Variants in LONP1 observed in about 807,000 individuals in gnomAD.
LONP1 encodes the protein lon protease homolog, mitochondrial.
In LONP1, 31 loss-of-function variants were observed where a neutral mutation model predicts 98.5. That is an observed-to-expected ratio of 0.31 (90% CI 0.24 to 0.42). The LOEUF (loss-of-function observed/expected upper bound fraction) is 0.42. Ranked by LOEUF, LONP1 falls within the 20% of genes least tolerant of loss-of-function variation. The pLI, the probability that LONP1 is intolerant of heterozygous loss-of-function variation, is 1.00. For synonymous variants in LONP1, 781 were observed against 594.7 expected (o/e 1.31, Z -4.56); for missense variants, 1,336 against 1,350.6 (o/e 0.99, Z 0.17).
chr19:5,701,167 C>A (rs904072306), intron 8 of LONP1, among the ~76,000 whole-genome samples: 8 of 152,074 alleles, frequency 5.3e-5, no homozygotes, highest in Admixed American at 1.3e-4. Flanking sequence ...ATTTACAGGC[C>A]AGGCACAGTG....
Position 5,694,784 on chromosome 19 carries a change from T to C in LONP1, c.2131A>G (p.Asn711Asp). The change falls in exon 14 of 18, where the codon AAC (asparagine) becomes GAC (aspartate). Residue 711 changes from asparagine to aspartate, a missense_variant. Transcript: ENST00000360614. ...ACCTTCTCCACTTGCTTCTGCAGGT[T>C]GCGGACACCGCTCTCGCGGCAGTAC... ...KQYCRESGVR[N>D]LQKQVEKVLR... 1 of 1,593,214 alleles carries C rather than the reference T, an allele frequency of 6.3e-7. No homozygotes were observed. The highest frequency in any genetic ancestry group is 8.6e-7 in the Non-Finnish European group (1 of 1,163,538).
At chr19:5,715,818 C>T (rs1225707887) in intron 1 of LONP1, among the ~76,000 whole-genome samples, 1 of 151,924 alleles carries the variant, frequency 6.6e-6, no homozygotes, top group Non-Finnish European at 1.5e-5. Flanking sequence ...CCACTGCACT[C>T]GCTAATTTTT....
intron 10 of LONP1, 108 bp from the exon 11 acceptor site, chr19:5,696,865 G>C (rs1325982373): frequency 1.4e-6 from 1 of 703,726 alleles, no homozygotes; most frequent in African/African-American, 1.8e-5. Context: ...AGCCCCACAA[G>C]ATGTGGCCAT....
In LONP1 at chr19:5,696,162, G is replaced by T; in HGVS notation, c.1905C>A (p.Phe635Leu). 1 of 1,612,910 alleles carries T rather than the reference G, an allele frequency of 6.2e-7. No individual in the cohort carries two copies. Among genetic ancestry groups the T allele is most frequent in the Non-Finnish European group, 8.5e-7 (1 of 1,179,864 alleles). Reference sequence around the variant, plus strand: ...TGTCCGTGACGTTGGCCGTGCAGATGAACAGCACCTGGGGGCGGCGGCAAG... The same window carrying T: ...TGTCCGTGACGTTGGCCGTGCAGATTAACAGCACCTGGGGGCGGCGGCAAG... Reference protein sequence around the residue: ...DVPVDLSKVLFICTANVTDTI... With the variant: ...DVPVDLSKVLLICTANVTDTI... The change falls in exon 13 of 18, where the codon TTC becomes TTA. Residue 635 changes from phenylalanine to leucine, a missense_variant. By Grantham distance (22) the Phe-to-Leu change is conservative. Around this residue, in one of 5 missense-constraint regions of LONP1, gnomAD observed 555 missense variants for 542.6 expected, o/e 1.02. Coordinates refer to ENST00000360614, the MANE Select transcript of LONP1 (RefSeq NM_004793.4).
At chr19:5,704,030 G>C (rs899635818) in intron 8 of LONP1, among the ~76,000 whole-genome samples, 1 of 152,182 alleles carries the variant, frequency 6.6e-6, no homozygotes, top group African/African-American at 2.4e-5. Flanking sequence ...ATGGCAGCAG[G>C]GAACTGCAGA....
intron 10 of LONP1, among the ~76,000 whole-genome samples, chr19:5,698,053 T>G (rs1448353760): frequency 7.5e-6 from 1 of 133,410 alleles, no homozygotes; most frequent in Non-Finnish European, 1.6e-5. Flanking sequence ...GCAGAACAGG[T>G]CCCCTGTCCT....
In LONP1 at chr19:5,705,686, C is replaced by T. The variant is rs371751411; in HGVS notation, c.1367+86G>A. ...GCCACACCAAGAAGGTGCCACGGGG[C>T]TCCCCGCTGGGTCCCCTGGCCTGCC... On this transcript the variant is annotated intron_variant, in intron 8 of 17. Transcript: ENST00000360614. 147 of 1,227,264 alleles carry T rather than the reference C, an allele frequency of 1.2e-4. 1 individual carries two copies. In the East Asian group the frequency reaches 1.9e-3, roughly 16 times the overall value. The allele number at this position is 1,227,264 out of a possible 1,614,324, so 76.0% of individuals were successfully genotyped here. A position where few individuals can be genotyped will look rare whatever the true frequency, so the allele number is the denominator to read the frequency against.
intron 3 of LONP1, chr19:5,712,533 G>A: frequency 5.7e-6 from 1 of 175,726 alleles, no homozygotes; most frequent in South Asian, 1.3e-4. Context: ...GTCTCGCTCT[G>A]TTGCCCAGGC....
intron 8 of LONP1, among the ~76,000 whole-genome samples, chr19:5,702,068 A>AGAGAGGTG (rs2055057872): frequency 6.8e-6 from 1 of 146,010 alleles, no homozygotes. Flanking sequence ...CCCGTCCGGG[A>AGAGAGGTG]GGGAGGTGGG....
intron 17 of LONP1, among the ~76,000 whole-genome samples, chr19:5,692,579 G>A (rs904010915): frequency 1.3e-5 from 2 of 152,100 alleles, no homozygotes; most frequent in Non-Finnish European, 2.9e-5. Flanking sequence ...CTGCATCTCT[G>A]CCCCCAGGCC....
intron 10 of LONP1, among the ~76,000 whole-genome samples, chr19:5,697,037 GGC>G (rs1345633518): frequency 6.6e-6 from 1 of 152,204 alleles, no homozygotes; most frequent in Non-Finnish European, 1.5e-5. Flanking sequence ...AAGCCAGACA[GGC>G]GCTGGCAGCA....
chr19:5,698,548 G>T (rs1284384528), intron 10 of LONP1, among the ~76,000 whole-genome samples: 2 of 152,230 alleles, frequency 1.3e-5, no homozygotes, highest in Non-Finnish European at 2.9e-5. Flanking sequence ...TGAGCCCACA[G>T]AGGCGCCAAG....
Position 5,714,170 on chromosome 19 carries a change from A to G in LONP1, c.518+13T>C. The G allele has an allele frequency of 6.2e-7, 1 of 1,608,938 alleles. No homozygotes were observed. Among genetic ancestry groups the G allele is most frequent in the South Asian group, 1.1e-5 (1 of 90,682 alleles). ...CACCGTCAACAAGGGAATGAAGGAA[A>G]AATCACACTTACCTGTCATCTCTCT... On this transcript the variant is annotated intron_variant, in intron 2 of 17. Transcript: ENST00000360614.
chr19:5,692,208 C>T lies in LONP1; in HGVS notation c.2704G>A (p.Ala902Thr), dbSNP rs1294135188. ...ATGCACGTCACCCCTGCGCGCTTGG[C>T]CTGGGGGCAGAGTCAGGGTCAGCCC... ...VGGIKEKTIA[A>T]KRAGVTCIVL... The change falls in exon 18 of 18, where the codon GCC becomes ACC. Residue 902 changes from alanine to threonine, a missense_variant and splice_region_variant. By Grantham distance (58) the Ala-to-Thr change is moderately conservative. Coordinates refer to ENST00000360614, the MANE Select transcript of LONP1 (RefSeq NM_004793.4). The T allele has an allele frequency of 2.5e-6, 4 of 1,609,312 alleles. No individual in the cohort carries two copies. Among genetic ancestry groups the T allele is most frequent in the Admixed American group, 1.7e-5 (1 of 59,730 alleles).
In LONP1 at chr19:5,719,968, C is replaced by A; in HGVS notation, c.165G>T (p.Trp55Cys). The A allele has an allele frequency of 6.3e-7, 1 of 1,579,310 alleles. No homozygotes were observed. The highest frequency in any genetic ancestry group is 8.6e-7 in the Non-Finnish European group (1 of 1,164,608). ...TCDASPPWAL[W>C]GRGPAIGGQW... is the part of the protein sequence containing the mutation. Reference sequence around the variant, plus strand: ...GGCCCCCAATTGCCGGGCCTCGGCCCCACAGTGCCCAAGGAGGAGAGGCGT... The same window carrying A: ...GGCCCCCAATTGCCGGGCCTCGGCCACACAGTGCCCAAGGAGGAGAGGCGT... The change falls in exon 1 of 18, where the codon TGG becomes TGT. Residue 55 changes from tryptophan to cysteine, a missense_variant. This residue lies in a region of LONP1 where 457 missense variants were observed against 403.1 expected (regional missense o/e 1.13). Coordinates refer to ENST00000360614, the MANE Select transcript of LONP1 (RefSeq NM_004793.4).
chr19:5,711,728 G>C (rs751240567), intron 4 of LONP1, 43 bp downstream of exon 4: 14 of 1,529,886 alleles, frequency 9.2e-6, no homozygotes, highest in Non-Finnish European at 1.3e-5. Context: ...GGGAGCCCGT[G>C]GGGGAGGCAG....
chr19:5,701,012 G>C (rs1185333434), intron 8 of LONP1, 85 bp from the exon 9 acceptor site: 1 of 1,502,510 alleles, frequency 6.7e-7, no homozygotes, highest in Non-Finnish European at 9.2e-7. Flanking sequence ...GGTTGCAAGG[G>C]GCTTGAAACC....
chr19:5,708,563 G>A, intron 4 of LONP1, 160 bp from the exon 5 acceptor site: 1 of 628,510 alleles, frequency 1.6e-6, no homozygotes. Context: ...ATGGAGGAGT[G>A]CAGTCCCTGG....
chr19:5,706,334 C>T (rs949459345), intron 7 of LONP1, among the ~76,000 whole-genome samples: 4 of 152,134 alleles, frequency 2.6e-5, no homozygotes, highest in South Asian at 4.1e-4. Context: ...TGGGGCCAGG[C>T]GCGGTGGCTC....
Sources: gnomAD v4.1 joint callset for allele counts (sites outside exome capture counted in the v4.1 genomes callset) on GRCh38, gnomAD v4.1.1 for gene constraint, gnomAD v4.1.1 regional missense constraint, MANE v1.5 for transcripts, NCBI Gene and HGNC (gene_info 2026-07-23, HGNC 2026-07-21) for gene names.